Variants in HIBCH observed in about 807,000 individuals in gnomAD.
The protein encoded by HIBCH is 3-hydroxyisobutyryl-CoA hydrolase.
Under a neutral mutation model 58.2 loss-of-function variants are expected in HIBCH, and 50 were observed. The observed-to-expected ratio is 0.86, with a 90% CI of 0.68 to 1.09. HIBCH has a LOEUF of 1.09. HIBCH is among the 50% of genes least tolerant of loss of function. HIBCH has a pLI of 0.00. For synonymous variants in HIBCH, 151 were observed against 146.9 expected (o/e 1.03, Z -0.20); for missense variants, 450 against 449.7 (o/e 1.00, Z -0.01).
At chr2:190,242,420 T>C (rs754250881) in intron 11 of HIBCH, among the ~76,000 whole-genome samples, 1 of 152,120 alleles carries the variant, frequency 6.6e-6, no homozygotes, top group Non-Finnish European at 1.5e-5. Context: ...AGCCTACTTC[T>C]GTCAATTCGT....
intron 4 of HIBCH, 49 bp downstream of exon 4, chr2:190,294,497 A>C (rs757843294): frequency 8.7e-7 from 1 of 1,144,142 alleles, no homozygotes; most frequent in South Asian, 1.2e-5. Flanking sequence ...ATACTTGATC[A>C]GTTCTAGTAG....
intron 1 of HIBCH, among the ~76,000 whole-genome samples, chr2:190,314,379 GTGTATATATA>G (rs1159434906): frequency 3.7e-4 from 31 of 83,996 alleles, no homozygotes; most frequent in African/African-American, 1.0e-3. Flanking sequence ...ACGTATATAT[GTGTATATATA>G]TGTATATATA....
At chr2:190,249,246 A>G (rs1328205592) in intron 9 of HIBCH, among the ~76,000 whole-genome samples, 4 of 152,250 alleles carry the variant, frequency 2.6e-5, no homozygotes, top group Non-Finnish European at 5.9e-5. Flanking sequence ...AATTCAAGTC[A>G]GACAACATAA....
intron 11 of HIBCH, among the ~76,000 whole-genome samples, chr2:190,223,222 A>G (rs2105911813): frequency 6.6e-6 from 1 of 152,326 alleles, no homozygotes; most frequent in Admixed American, 6.5e-5. Context: ...ATACCTATGT[A>G]ATAAAACTGC....
chr2:190,303,283 A>G (rs970924949), intron 2 of HIBCH, among the ~76,000 whole-genome samples: 1 of 152,192 alleles, frequency 6.6e-6, no homozygotes, highest in African/African-American at 2.4e-5. Flanking sequence ...ACTCAGCAGC[A>G]AAGAGCACTC....
Position 190,315,364 on chromosome 2 carries a change from A to C in HIBCH, c.35+4352T>G, listed in dbSNP as rs901646208. On this transcript the variant is annotated intron_variant, in intron 1 of 13. Transcript: ENST00000359678. This position sits in a 1 kb window ranked among gnomAD's most constrained non-coding sequence, Gnocchi z 5.4. ...TATGGTTCTTGGACAAGTACCATCA[A>C]CATCCCCTGGAAACTGACTAGAAAC... is the stretch of plus-strand genomic sequence containing the variant. Among the ~76,000 whole-genome samples the C allele has an allele frequency of 1.4e-4, 21 of 152,332 alleles. No individual in the cohort carries two copies. Among genetic ancestry groups the C allele is most frequent in the South Asian group, 4.1e-4 (2 of 4,828 alleles).
intron 2 of HIBCH, among the ~76,000 whole-genome samples, chr2:190,307,609 C>T (rs1445748240): frequency 6.6e-6 from 1 of 152,060 alleles, no homozygotes; most frequent in Non-Finnish European, 1.5e-5. Context: ...TTCGAGGCTA[C>T]AGTAAGCTAA....
chr2:190,312,148 G>A (rs367947863), intron 1 of HIBCH, among the ~76,000 whole-genome samples: 1 of 152,142 alleles, frequency 6.6e-6, no homozygotes, highest in African/African-American at 2.4e-5. Flanking sequence ...GGCATGAGGA[G>A]GGCCTCTGGA....
Position 190,254,089 on chromosome 2 carries a change from A to T in HIBCH, c.518-1782T>A, listed in dbSNP as rs1376320393. 6.6e-6 allele frequency among the ~76,000 whole-genome samples: 1 copy of T among 151,992 alleles called. No homozygotes were observed. Among genetic ancestry groups the T allele is most frequent in the African/African-American group, 2.4e-5 (1 of 41,364 alleles). On this transcript the variant is annotated intron_variant, in intron 7 of 13. Transcript: ENST00000359678. The surrounding 1 kb of genome is among the most constrained non-coding windows in gnomAD (Gnocchi z 5.0). ...ATATACATTTTCCTTAACTCCTATG[A>T]CTTTAAATAATATCTATATGCTGAT...
chr2:190,196,172 CTT>C (rs1689967171), intron 1 of HIBCH, among the ~76,000 whole-genome samples: 1 of 151,978 alleles, frequency 6.6e-6, no homozygotes, highest in African/African-American at 2.4e-5. Context: ...TTCCTGTCTT[CTT>C]CTGGGTTAAA....
At chr2:190,229,742 A>G (rs1297290147) in intron 11 of HIBCH, among the ~76,000 whole-genome samples, 2 of 152,238 alleles carry the variant, frequency 1.3e-5, no homozygotes, top group East Asian at 3.8e-4. Flanking sequence ...ACTACCTGAA[A>G]GCATTTTCAG....
rs116705890 is a variant in HIBCH, at chr2:190,217,495, C to G, written c.892-4420G>C. On this transcript the variant is annotated intron_variant, in intron 11 of 13. Coordinates refer to ENST00000359678, the MANE Select transcript of HIBCH (RefSeq NM_014362.4). The surrounding 1 kb of genome is among the most constrained non-coding windows in gnomAD (Gnocchi z 4.6). The stretch of plus-strand genomic sequence containing the variant: ...GAGATTCTGTCTTAAAACAAAAAAA[C>G]AGACTACTGGAAAAAGACCTCCTGG... 0.019 allele frequency among the ~76,000 whole-genome samples: 2,831 copies of G among 152,248 alleles called. 96 individuals carry two copies. The highest frequency in any genetic ancestry group is 0.064 in the African/African-American group (2,653 of 41,546).
At chr2:190,272,008 C>T (rs1042497004) in intron 6 of HIBCH, among the ~76,000 whole-genome samples, 2 of 152,184 alleles carry the variant, frequency 1.3e-5, no homozygotes, top group African/African-American at 4.8e-5. Flanking sequence ...CCAACCACAT[C>T]GCATTCTTTT....
downstream of HIBCH, chr2:190,202,722 G>C (rs1041300095): frequency 1.1e-4 from 18 of 167,062 alleles, no homozygotes; most frequent in African/African-American, 4.3e-4. Context: ...GGAACATCCA[G>C]AGTAAGGGCA....
chr2:190,228,411 GGAGGGGGGAGGGATA>G (rs1685980578), intron 11 of HIBCH, among the ~76,000 whole-genome samples: 1 of 127,624 alleles, frequency 7.8e-6, no homozygotes, highest in Non-Finnish European at 1.6e-5. Context: ...TGGGGTGGGG[GGAGGGGGGAGGGATA>G]GCATTAGGAG....
rs370859523 is a variant in HIBCH, at chr2:190,306,350, G to T, written c.78+4404C>A. ...CACTCCTTGCCTGGGTCATTTTCAA[G>T]GTAGCCACCATGAAGAAAAAGGTCT... On this transcript the variant is annotated intron_variant, in intron 2 of 13. Transcript: ENST00000359678. This position sits in a 1 kb window ranked among gnomAD's most constrained non-coding sequence, Gnocchi z 4.6. 6.6e-6 allele frequency among the ~76,000 whole-genome samples: 1 copy of T among 152,120 alleles called. No individual in the cohort carries two copies. Among genetic ancestry groups the T allele is most frequent in the South Asian group, 2.1e-4 (1 of 4,828 alleles).
At chr2:190,225,411 G>C (rs962496321) in intron 11 of HIBCH, among the ~76,000 whole-genome samples, 1 of 152,062 alleles carries the variant, frequency 6.6e-6, no homozygotes, top group African/African-American at 2.4e-5. Context: ...GAATCAAATA[G>C]ACGCAATAAA....
rs552687030 is a variant in HIBCH at position 190,237,666 on chromosome 2, A to G, written c.891+7221T>C. ...AATGTGTAAGTTCTAGGTGCCCCAC[A>G]TTTATATATATATTTATATATACGT... On this transcript the variant is annotated intron_variant, in intron 11 of 13. Transcript: ENST00000359678. Among the ~76,000 whole-genome samples the G allele has an allele frequency of 2.6e-5, 4 of 152,258 alleles. No homozygotes were observed. In the South Asian group the frequency reaches 8.3e-4, roughly 32 times the overall value.
rs1401853823 is a variant in HIBCH, at chr2:190,209,950, G to T, written c.1012-1037C>A. ...TTATTTTAATCCACATCCAAGCACA[G>T]TGTCCGACACTAAGTGTTCAGTAAA... is the stretch of plus-strand genomic sequence containing the variant. On this transcript the variant is annotated intron_variant, in intron 12 of 13. Transcript: ENST00000359678. This position sits in a 1 kb window ranked among gnomAD's most constrained non-coding sequence, Gnocchi z 5.6. 6.6e-6 allele frequency among the ~76,000 whole-genome samples: 1 copy of T among 152,186 alleles called. No homozygotes were observed. The highest frequency in any genetic ancestry group is 6.5e-5 in the Admixed American group (1 of 15,284).
Sources: gnomAD v4.1 joint callset for allele counts (sites outside exome capture counted in the v4.1 genomes callset) on GRCh38, gnomAD v4.1.1 for gene constraint, Gnocchi (gnomAD v3.1) non-coding constraint, MANE v1.5 for transcripts, NCBI Gene and HGNC (gene_info 2026-07-23, HGNC 2026-07-21) for gene names.